NAA20: variants seen among roughly 807,000 people sequenced by gnomAD.
The protein encoded by NAA20 is N-alpha-acetyltransferase 20.
NAA20 carries 24 observed loss-of-function variants against 23.8 expected under a neutral mutation model. That is an observed-to-expected ratio of 1.01 (90% CI 0.73 to 1.42). The LOEUF (loss-of-function observed/expected upper bound fraction) is 1.42, where lower values mean the gene tolerates loss of function less well. NAA20 is among the 40% of genes most tolerant of loss of function. NAA20 has a pLI of 0.00. For missense variants in NAA20, 166 were observed against 223.1 expected, an observed-to-expected ratio of 0.74 and a Z score of 1.63; for synonymous variants, 83 against 77.7, an observed-to-expected ratio of 1.07 and a Z score of -0.36.
chr20:20,018,468 C>T lies in NAA20; in HGVS notation c.53+1019C>T, dbSNP rs562609555. 6 of 183,006 alleles carry T rather than the reference C, an allele frequency of 3.3e-5. No homozygotes were observed. The South Asian group carries it at 7.2e-4, about 22-fold the overall frequency. 11.3% of individuals were successfully genotyped at this position (183,006 alleles called of 1,614,324 possible). ...TGGAAAGAACTATGGGATAAGATGG[C>T]TGGGAACATTTCAAAGAGGGGGTGA... On this transcript the variant is annotated intron_variant, in intron 1 of 5. Transcript: ENST00000334982.
intron 2 of NAA20, 43 bp from the exon 3 acceptor site, chr20:20,025,634 T>G: frequency 6.9e-7 from 1 of 1,455,294 alleles, no homozygotes; most frequent in Non-Finnish European, 9.6e-7. Context: ...ATGAAGAACT[T>G]TTTACTGTCC....
At chr20:20,018,041 G>C in intron 1 of NAA20, 1 of 1,614,210 alleles carries the variant, frequency 6.2e-7, no homozygotes. Flanking sequence ...TCTCAGTCAT[G>C]GTTAGTGTTT....
intron 3 of NAA20, 109 bp from the exon 4 acceptor site, chr20:20,026,675 A>T (rs890881937): frequency 7.0e-7 from 1 of 1,424,782 alleles, no homozygotes; most frequent in Non-Finnish European, 9.6e-7. Flanking sequence ...GGTACTTAAA[A>T]ACTTCTTTAT....
intron 4 of NAA20, 144 bp downstream of exon 4, chr20:20,027,063 CAT>C (rs1273963181): frequency 4.2e-6 from 5 of 1,196,064 alleles, no homozygotes; most frequent in Non-Finnish European, 5.9e-6. Context: ...AATTCTATCA[CAT>C]AGTCAAAGTG....
At chr20:20,020,162 G>A (rs1184600083) in intron 1 of NAA20, among the ~76,000 whole-genome samples, 2 of 152,180 alleles carry the variant, frequency 1.3e-5, no homozygotes, top group Non-Finnish European at 2.9e-5. Context: ...TAAAGTAGCT[G>A]TGACTTCATA....
At chr20:20,022,000 C>T (rs2043271611) in intron 1 of NAA20, among the ~76,000 whole-genome samples, 1 of 151,980 alleles carries the variant, frequency 6.6e-6, no homozygotes, top group African/African-American at 2.4e-5. Flanking sequence ...GAGCAAAAAC[C>T]GAGTGGTGGG....
At position 20,019,727 on chromosome 20, in the gene NAA20, G is replaced by A. The variant is rs187024020; in HGVS notation, c.53+2278G>A. Among the ~76,000 whole-genome samples the A allele has an allele frequency of 1.4e-3, 213 of 152,272 alleles. 1 individual carries two copies. Among genetic ancestry groups the A allele is most frequent in the African/African-American group, 5.0e-3 (208 of 41,548 alleles). On this transcript the variant is annotated intron_variant, in intron 1 of 5. Transcript: ENST00000334982. The stretch of plus-strand genomic sequence containing the variant: ...AGCCTCCCGAGTAGTTGGGACTACA[G>A]GCACGTGCTGCCACACCCCACTAAT...
At chr20:20,032,054 A>G (rs1210508726) in intron 4 of NAA20, among the ~76,000 whole-genome samples, 1 of 148,820 alleles carries the variant, frequency 6.7e-6, no homozygotes, top group African/African-American at 2.6e-5. Flanking sequence ...TCGTTTGTAT[A>G]GTAAAAGCCA....
chr20:20,028,863 G>T (rs1206867501), intron 4 of NAA20, among the ~76,000 whole-genome samples: 1 of 152,176 alleles, frequency 6.6e-6, no homozygotes, highest in Non-Finnish European at 1.5e-5. Context: ...GAAATAAAAT[G>T]GTAGCCCAGA....
At chr20:20,022,591 C>G in intron 2 of NAA20, 111 bp downstream of exon 2, 1 of 878,738 alleles carries the variant, frequency 1.1e-6, no homozygotes, top group Non-Finnish European at 1.7e-6. Flanking sequence ...ACTTGTAGGT[C>G]AGGAAACATC....
Position 20,033,348 on chromosome 20 carries a change from C to T in NAA20, c.*161C>T, listed in dbSNP as rs1048857739. 3 of 594,734 alleles carry T rather than the reference C, an allele frequency of 5.0e-6. No homozygotes were observed. The highest frequency in any genetic ancestry group is 8.6e-6 in the Non-Finnish European group (3 of 347,842). The allele number at this position is 594,734 out of a possible 1,614,324, so 36.8% of individuals were successfully genotyped here. ...CAATTTATTTTAAATCTCATTGTTT[C>T]CAGTTAGCAATATCATACCTATTAA... On this transcript the variant is annotated 3_prime_UTR_variant, in exon 6 of 6. Transcript: ENST00000334982.
In NAA20 at chr20:20,026,783, G is replaced by T; in HGVS notation, c.170-1G>T. ...AATGTGATTTTTGTTGTTGTTGGCAGTTATGGGTAAAGCAGAAGGCTCAGT... is the reference window on the plus strand; with the variant it reads ...AATGTGATTTTTGTTGTTGTTGGCATTTATGGGTAAAGCAGAAGGCTCAGT... On this transcript the variant is annotated splice_acceptor_variant, in intron 3 of 5. Coordinates refer to ENST00000334982, the MANE Select transcript of NAA20 (RefSeq NM_016100.5). LOFTEE classifies it high-confidence loss of function. 2.5e-6 allele frequency: 4 copies of T among 1,613,852 alleles called. No individual in the cohort carries two copies. The highest frequency in any genetic ancestry group is 3.4e-6 in the Non-Finnish European group (4 of 1,179,742).
At chr20:20,032,295 C>CTTT (rs1276965594) in intron 4 of NAA20, among the ~76,000 whole-genome samples, 1 of 150,128 alleles carries the variant, frequency 6.7e-6, no homozygotes, top group Admixed American at 6.7e-5. Context: ...AGCATGCAAA[C>CTTT]ATAAAGTCAT....
At chr20:20,029,346 G>A (rs1313289122) in intron 4 of NAA20, among the ~76,000 whole-genome samples, 3 of 152,098 alleles carry the variant, frequency 2.0e-5, no homozygotes, top group Non-Finnish European at 2.9e-5. Flanking sequence ...TCTGGGAGTG[G>A]TGGCTCATGA....
chr20:20,028,773 AGAG>A (rs776386430), intron 4 of NAA20, among the ~76,000 whole-genome samples: 4 of 152,354 alleles, frequency 2.6e-5, no homozygotes, highest in South Asian at 4.1e-4. Context: ...CCAAACAAGT[AGAG>A]GAGAAGAAAA....
chr20:20,017,362 C>T lies in NAA20; in HGVS notation c.-35C>T, dbSNP rs553270288. ...ACTTCCGGCAGGGCGGGCGCGGGGT[C>T]TTGGCGAACGGTCTTCGGAAGCGGC... is the stretch of plus-strand genomic sequence containing the variant. On this transcript the variant is annotated 5_prime_UTR_variant, in exon 1 of 6. Transcript: ENST00000334982. The T allele has an allele frequency of 3.1e-6, 5 of 1,609,902 alleles. No individual in the cohort carries two copies. Among genetic ancestry groups the T allele is most frequent in the Admixed American group, 1.7e-5 (1 of 59,822 alleles).
intron 4 of NAA20, among the ~76,000 whole-genome samples, chr20:20,029,017 C>T (rs907215451): frequency 6.6e-6 from 1 of 152,102 alleles, no homozygotes; most frequent in African/African-American, 2.4e-5. Context: ...GCAACGTCTG[C>T]CTCCCAGGCT....
intron 2 of NAA20, among the ~76,000 whole-genome samples, chr20:20,023,870 G>T (rs909270477): frequency 2.6e-5 from 4 of 152,208 alleles, no homozygotes; most frequent in Admixed American, 6.5e-5. Context: ...AATATAAATT[G>T]CTATTATCTT....
At chr20:20,028,442 A>C (rs1380752495) in intron 4 of NAA20, among the ~76,000 whole-genome samples, 1 of 152,128 alleles carries the variant, frequency 6.6e-6, no homozygotes, top group African/African-American at 2.4e-5. Context: ...CCTATGTAAC[A>C]AACCTGCACG....
Sources: gnomAD v4.1 joint callset for allele counts (sites outside exome capture counted in the v4.1 genomes callset) on GRCh38, gnomAD v4.1.1 for gene constraint, MANE v1.5 for transcripts, NCBI Gene and HGNC (gene_info 2026-07-23, HGNC 2026-07-21) for gene names.